Variants in TENM4 observed in about 807,000 individuals in gnomAD.
The protein encoded by TENM4 is teneurin transmembrane protein 4.
In TENM4, 82 loss-of-function variants were observed where a neutral mutation model predicts 243.3. That is an observed-to-expected ratio of 0.34 (90% CI 0.28 to 0.40). The LOEUF is 0.40. TENM4 is among the 10% of genes least tolerant of loss of function. The pLI is 1.00. For synonymous variants in TENM4, 1,412 were observed against 1,456.3 expected, an observed-to-expected ratio of 0.97 and a Z score of 0.69; for missense variants, 3,138 against 3,673.3, an observed-to-expected ratio of 0.85 and a Z score of 3.77.
At chr11:79,238,676 CT>C (rs1864527919) in intron 2 of TENM4, among the ~76,000 whole-genome samples, 6 of 152,100 alleles carry the variant, frequency 3.9e-5, no homozygotes, top group African/African-American at 1.2e-4. Flanking sequence ...CTCTCTCTCT[CT>C]CTCTCTCCTG....
intron 33 of TENM4, among the ~76,000 whole-genome samples, chr11:78,659,284 C>A (rs1371339640): frequency 6.6e-6 from 1 of 152,212 alleles, no homozygotes; most frequent in Non-Finnish European, 1.5e-5. Flanking sequence ...TTCACAATCA[C>A]CTTATACGGT....
intron 2 of TENM4, among the ~76,000 whole-genome samples, chr11:79,286,987 G>T (rs1590852835): frequency 6.6e-6 from 1 of 152,218 alleles, no homozygotes; most frequent in East Asian, 1.9e-4. Flanking sequence ...ATACATTCAG[G>T]AACTTGTGTT....
At chr11:78,814,743 CT>C (rs1857568623) in intron 12 of TENM4, among the ~76,000 whole-genome samples, 1 of 152,154 alleles carries the variant, frequency 6.6e-6, no homozygotes, top group Admixed American at 6.5e-5. Context: ...CTGGGTGATT[CT>C]TATAGTCTTC....
chr11:78,901,201 T>C (rs1157937737), intron 7 of TENM4, among the ~76,000 whole-genome samples: 1 of 152,192 alleles, frequency 6.6e-6, no homozygotes, highest in Non-Finnish European at 1.5e-5. Flanking sequence ...AATAATGTTA[T>C]ATATGTATAT....
chr11:78,903,400 G>A lies in TENM4; in HGVS notation c.617C>T (p.Thr206Met), dbSNP rs1455219178. ...GGCCGGGCTGGGGTTGCTCCTCGGC[G>A]TGAAGTTGCCCCGGTTCAGGGAGTT... The part of the protein sequence containing the change: ...SINSLNRGNF[T>M]PRSNPSPAPT... The change falls in exon 7 of 34, where the codon ACG becomes ATG. Residue 206 changes from threonine (T) to methionine (M), a missense_variant. Physicochemically the swap from Thr to Met is moderately conservative, Grantham distance 81. Transcript: ENST00000278550. 4 of 1,536,978 alleles carry A rather than the reference G, an allele frequency of 2.6e-6. No homozygotes were observed. Among genetic ancestry groups the A allele is most frequent in the South Asian group, 1.2e-5 (1 of 83,218 alleles).
intron 6 of TENM4, among the ~76,000 whole-genome samples, chr11:78,978,017 T>C (rs1189881292): frequency 1.3e-5 from 2 of 152,150 alleles, no homozygotes; most frequent in African/African-American, 2.4e-5. Context: ...TGGAATACTA[T>C]GCAGCCATGA....
At chr11:78,759,544 T>G (rs1436259610) in intron 18 of TENM4, among the ~76,000 whole-genome samples, 1 of 152,230 alleles carries the variant, frequency 6.6e-6, no homozygotes, top group African/African-American at 2.4e-5. Flanking sequence ...TGTTTTACCC[T>G]TTTATAAACA....
intron 3 of TENM4, among the ~76,000 whole-genome samples, chr11:79,164,029 A>G (rs567212670): frequency 5.0e-5 from 6 of 119,528 alleles, no homozygotes; most frequent in East Asian, 2.3e-4. Context: ...TAGTATGTAT[A>G]TAGTATATAT....
At chr11:79,383,304 T>G (rs1164275871) in intron 1 of TENM4, among the ~76,000 whole-genome samples, 1 of 152,224 alleles carries the variant, frequency 6.6e-6, no homozygotes, top group Non-Finnish European at 1.5e-5. Flanking sequence ...GCTTCAGAAA[T>G]ACCACTTTCT....
At chr11:79,092,262 G>A (rs1353279049) in intron 4 of TENM4, among the ~76,000 whole-genome samples, 2 of 152,190 alleles carry the variant, frequency 1.3e-5, no homozygotes, top group South Asian at 2.1e-4. Flanking sequence ...ATGAGTGTAC[G>A]TACATGTTCT....
At chr11:79,106,180 T>A (rs952473551) in intron 4 of TENM4, among the ~76,000 whole-genome samples, 1 of 152,016 alleles carries the variant, frequency 6.6e-6, no homozygotes, top group Non-Finnish European at 1.5e-5. Context: ...AGTCACAGAG[T>A]GAAGAAGTGG....
At chr11:78,899,283 C>G (rs558183473) in intron 7 of TENM4, among the ~76,000 whole-genome samples, 1 of 151,974 alleles carries the variant, frequency 6.6e-6, no homozygotes, top group Non-Finnish European at 1.5e-5. Context: ...GTTTGTCCCC[C>G]CAAAGCTCAT....
chr11:78,900,235 A>C (rs552230326), intron 7 of TENM4, among the ~76,000 whole-genome samples: 91 of 152,250 alleles, frequency 6.0e-4, no homozygotes, highest in Non-Finnish European at 1.1e-3. Flanking sequence ...AGATAATCAC[A>C]GCAGAAAGTG....
chr11:78,938,001 G>A (rs934985586), intron 6 of TENM4, among the ~76,000 whole-genome samples: 6 of 152,064 alleles, frequency 3.9e-5, no homozygotes, highest in Admixed American at 2.0e-4. Flanking sequence ...CTTTCCCACC[G>A]AGGTTATTTT....
At chr11:78,891,676 T>C (rs1855670542) in intron 7 of TENM4, among the ~76,000 whole-genome samples, 1 of 152,182 alleles carries the variant, frequency 6.6e-6, no homozygotes, top group East Asian at 1.9e-4. Flanking sequence ...GAAGGCAATG[T>C]AATCCTCATT....
At chr11:79,090,416 C>A (rs17137687) in intron 4 of TENM4, among the ~76,000 whole-genome samples, 31,162 of 152,244 alleles carry the variant, frequency 0.2, 3,339 homozygotes, top group East Asian at 0.26. Context: ...TGCAGACACC[C>A]GTGCAGAAGA....
At chr11:79,057,368 C>T (rs1859969780) in intron 6 of TENM4, among the ~76,000 whole-genome samples, 1 of 152,052 alleles carries the variant, frequency 6.6e-6, no homozygotes, top group South Asian at 2.1e-4. Flanking sequence ...GCCTTAAGGC[C>T]CTAGCACCTG....
chr11:79,182,125 A>G (rs577227248), intron 3 of TENM4, among the ~76,000 whole-genome samples: 2 of 152,204 alleles, frequency 1.3e-5, no homozygotes, highest in South Asian at 2.1e-4. Context: ...CAAAAGATCC[A>G]TAATAGCCAA....
intron 2 of TENM4, among the ~76,000 whole-genome samples, chr11:79,234,399 C>T (rs1347211978): frequency 1.3e-5 from 2 of 152,212 alleles, no homozygotes; most frequent in African/African-American, 2.4e-5. Flanking sequence ...CCTGTATAGG[C>T]ATGTGCATCT....
Sources: allele counts gnomAD v4.1 joint callset (sites outside exome capture counted in the v4.1 genomes callset), GRCh38; gene constraint gnomAD v4.1.1; transcripts MANE v1.5; gene names NCBI Gene and HGNC (gene_info 2026-07-23, HGNC 2026-07-21).